The following SYNE2 variants were observed in gnomAD, a reference collection of about 807,000 sequenced individuals.
SYNE2 encodes the protein spectrin repeat containing nuclear envelope protein 2.
Under a neutral mutation model 856.3 loss-of-function variants are expected in SYNE2, and 431 were observed. The observed-to-expected ratio is 0.50, with a 90% CI of 0.47 to 0.55. SYNE2 has a LOEUF of 0.55. SYNE2 is among the 20% of genes least tolerant of loss of function. The pLI, the probability that SYNE2 is intolerant of heterozygous loss-of-function variation, is 0.00. For synonymous variants in SYNE2, 2,923 were observed against 2,872.3 expected, an observed-to-expected ratio of 1.02 and a Z score of -0.56; for missense variants, 8,129 against 8,023.2, an observed-to-expected ratio of 1.01 and a Z score of -0.50.
At chr14:64,129,990 T>C in intron 75 of SYNE2, 58 bp from the exon 76 acceptor site, 6 of 1,613,468 alleles carry the variant, frequency 3.7e-6, no homozygotes, top group Non-Finnish European at 5.1e-6. Context: ...GATTTGTCTT[T>C]CAGTTATTGC....
At chr14:64,154,792 CAAAAAA>C (rs34020154) in intron 85 of SYNE2, among the ~76,000 whole-genome samples, 1 of 91,116 alleles carries the variant, frequency 1.1e-5, no homozygotes, top group Non-Finnish European at 2.3e-5. Context: ...GACCCTGTCT[CAAAAAA>C]AAAAAAAAAA....
intron 1 of SYNE2, among the ~76,000 whole-genome samples, chr14:63,815,527 G>T (rs1038283332): frequency 6.6e-6 from 1 of 151,948 alleles, no homozygotes; most frequent in Admixed American, 6.6e-5. Context: ...GGGTGAGTCT[G>T]CCTTTCACAG....
chr14:64,095,674 G>A (rs1158379349), intron 61 of SYNE2, among the ~76,000 whole-genome samples: 1 of 152,080 alleles, frequency 6.6e-6, no homozygotes, highest in African/African-American at 2.4e-5. Flanking sequence ...TAGCATAAGT[G>A]CTTTTTCTCA....
chr14:64,203,056 G>T, intron 100 of SYNE2, 93 bp downstream of exon 100: 4 of 1,479,736 alleles, frequency 2.7e-6, no homozygotes, highest in Non-Finnish European at 3.7e-6. Flanking sequence ...GTTTTCACGT[G>T]CTCACATTCC....
intron 22 of SYNE2, among the ~76,000 whole-genome samples, 199 bp from the exon 23 acceptor site, chr14:63,994,845 A>G (rs963516065): frequency 6.6e-6 from 1 of 151,450 alleles, no homozygotes; most frequent in African/African-American, 2.4e-5. Context: ...ATACATTTTT[A>G]TTTGTTAGAA....
chr14:64,208,798 A>G lies in SYNE2; in HGVS notation c.18242A>G (p.Glu6081Gly). Reference sequence around the variant, plus strand: ...ATTGAACAACACAGCGCAGGGGTGGAGTCCGTGTTTAACATCTGTGACGTC... The same window carrying G: ...ATTGAACAACACAGCGCAGGGGTGGGGTCCGTGTTTAACATCTGTGACGTC... Reference protein sequence around the residue: ...RDIEQHSAGVESVFNICDVLL... With the variant: ...RDIEQHSAGVGSVFNICDVLL... The change falls in exon 101 of 116, where the codon GAG (glutamate) becomes GGG (glycine). Residue 6081 changes from glutamate to glycine, a missense_variant. Glu to Gly is a moderately conservative substitution (Grantham distance 98). Transcript: ENST00000555002. The G allele has an allele frequency of 6.2e-7, 1 of 1,614,212 alleles. No homozygotes were observed. Among genetic ancestry groups the G allele is most frequent in the Non-Finnish European group, 8.5e-7 (1 of 1,180,042 alleles).
rs768586107 is a variant in SYNE2, at chr14:64,223,161, C to CTGTT, written c.20191-26_20191-23dup. ...CACTCGCTTCCCTTTGGACAGGTCA[C>CTGTT]TGTTTCACACACTTTATCTGTTTTC... On this transcript the variant is annotated intron_variant, in intron 112 of 115. Transcript: ENST00000555002. 6.8e-6 allele frequency: 11 copies of CTGTT among 1,612,330 alleles called. No individual in the cohort carries two copies. The African/African-American group carries it at 1.3e-4, about 20-fold the overall frequency.
At chr14:63,820,299 A>G (rs946717645) in intron 1 of SYNE2, among the ~76,000 whole-genome samples, 3 of 152,218 alleles carry the variant, frequency 2.0e-5, no homozygotes, top group Admixed American at 6.5e-5. Flanking sequence ...ACAAAAGGTC[A>G]AGTACAAGTC....
intron 47 of SYNE2, among the ~76,000 whole-genome samples, chr14:64,050,261 CT>C (rs2153574437): frequency 6.6e-6 from 1 of 152,294 alleles, no homozygotes; most frequent in South Asian, 2.1e-4. Context: ...TACTCCTATC[CT>C]TAGGGGCTCC....
intron 84 of SYNE2, among the ~76,000 whole-genome samples, chr14:64,151,649 A>T (rs577343462): frequency 6.6e-5 from 10 of 152,094 alleles, no homozygotes; most frequent in Non-Finnish European, 8.8e-5. Flanking sequence ...TCTTGAGGCC[A>T]TGCATTCAGA....
At chr14:63,815,410 A>C (rs934583970) in intron 1 of SYNE2, among the ~76,000 whole-genome samples, 1 of 151,758 alleles carries the variant, frequency 6.6e-6, no homozygotes, top group Non-Finnish European at 1.5e-5. Context: ...GCATGAAAGA[A>C]AGATATAGGC....
At chr14:64,190,878 C>A (rs2098515129) in intron 99 of SYNE2, 1 of 692,846 alleles carries the variant, frequency 1.4e-6, no homozygotes, top group African/African-American at 1.8e-5. Flanking sequence ...ATGATGATGC[C>A]CAAAATTTTT....
At position 64,065,553 on chromosome 14, in the gene SYNE2, C is replaced by T. The variant is rs1249970369; in HGVS notation, c.10334C>T (p.Ala3445Val). Reference sequence around the variant, plus strand: ...ATATGTTTGCTCAAGATTGTGTCGGCTCTGTGGGAGAAATGGCTGAGTTTG... The same window carrying T: ...ATATGTTTGCTCAAGATTGTGTCGGTTCTGTGGGAGAAATGGCTGAGTTTG... The part of the protein sequence containing the change: ...DGICLLKIVS[A>V]LWEKWLSLLE... Residue 3445 changes from alanine to valine, a missense_variant, in exon 51 of 116, where the codon GCT (alanine) becomes GTT (valine). By Grantham distance (64) the Ala-to-Val change is moderately conservative. Coordinates refer to ENST00000555002, the MANE Select transcript of SYNE2 (RefSeq NM_182914.3). 1 of 1,614,084 alleles carries T rather than the reference C, an allele frequency of 6.2e-7. No individual in the cohort carries two copies. Among genetic ancestry groups the T allele is most frequent in the Non-Finnish European group, 8.5e-7 (1 of 1,180,022 alleles).
At chr14:63,927,838 G>A (rs1488230538) in intron 2 of SYNE2, among the ~76,000 whole-genome samples, 6 of 150,454 alleles carry the variant, frequency 4.0e-5, no homozygotes, top group Non-Finnish European at 7.4e-5. Flanking sequence ...GTTGCAGTGA[G>A]CCGAGATCAC....
At chr14:64,142,486 A>G (rs1324557376) in intron 82 of SYNE2, among the ~76,000 whole-genome samples, 3 of 152,110 alleles carry the variant, frequency 2.0e-5, no homozygotes, top group Non-Finnish European at 2.9e-5. Flanking sequence ...TTAACTGTAT[A>G]CGTCCTCTTA....
intron 82 of SYNE2, among the ~76,000 whole-genome samples, chr14:64,143,504 T>C (rs2098157051): frequency 6.6e-6 from 1 of 152,328 alleles, no homozygotes; most frequent in South Asian, 2.1e-4. Flanking sequence ...GTGGTCAGGG[T>C]TCAGATGATA....
chr14:64,141,868 TATC>T, intron 81 of SYNE2, 71 bp from the exon 82 acceptor site: 1 of 1,522,056 alleles, frequency 6.6e-7, no homozygotes, highest in Non-Finnish European at 9.0e-7. Context: ...TCAAACCAGA[TATC>T]ATCTTTAGTG....
rs528990488 is a variant in SYNE2, at chr14:64,141,327, A to G, written c.14977-14A>G. ...TTAAATTTTAAGTTTCTAAATTTTA[A>G]AACTCTCCTTTAGGAGTTTTCAAAA... On this transcript the variant is annotated splice_polypyrimidine_tract_variant and intron_variant, in intron 80 of 115. Transcript: ENST00000555002. 6.2e-7 allele frequency: 1 copy of G among 1,607,202 alleles called. No individual in the cohort carries two copies. The highest frequency in any genetic ancestry group is 1.1e-5 in the South Asian group (1 of 89,464).
At chr14:64,112,767 G>A (rs1053462980) in intron 65 of SYNE2, among the ~76,000 whole-genome samples, 21 of 152,142 alleles carry the variant, frequency 1.4e-4, no homozygotes, top group Non-Finnish European at 7.3e-5. Context: ...CTTGACTCAA[G>A]CTGTTTTTAT....
Sources: gnomAD v4.1 joint callset for allele counts (sites outside exome capture counted in the v4.1 genomes callset) on GRCh38, gnomAD v4.1.1 for gene constraint, MANE v1.5 for transcripts, NCBI Gene and HGNC (gene_info 2026-07-23, HGNC 2026-07-21) for gene names.